HSD17B12: variants seen among roughly 807,000 people sequenced by gnomAD.
HSD17B12 encodes hydroxysteroid 17-beta dehydrogenase 12.
HSD17B12 carries 32 observed loss-of-function variants against 39.3 expected under a neutral mutation model. That is an observed-to-expected ratio of 0.81 (90% CI 0.61 to 1.09). The LOEUF (loss-of-function observed/expected upper bound fraction) is 1.09, where lower values mean the gene tolerates loss of function less well. Ranked by LOEUF, HSD17B12 falls within the 50% of genes least tolerant of loss-of-function variation. The pLI is 0.00. For synonymous variants in HSD17B12, 150 were observed against 146.7 expected, an observed-to-expected ratio of 1.02 and a Z score of -0.16; for missense variants, 342 against 382.9, an observed-to-expected ratio of 0.89 and a Z score of 0.89.
the HSD17B12 span, among the ~76,000 whole-genome samples, chr11:43,611,179 G>A: frequency 1.2e-4 from 19 of 152,176 alleles, no homozygotes; most frequent in East Asian, 3.5e-3. Context: ...GTGGATGATC[G>A]CAGAATGTAA....
At chr11:43,585,764 G>A in the HSD17B12 span, among the ~76,000 whole-genome samples, 1 of 152,140 alleles carries the variant, frequency 6.6e-6, no homozygotes, top group African/African-American at 2.4e-5. Context: ...ATTCCAAGAG[G>A]TTCACATCTT....
At position 43,856,223 on chromosome 11, in the gene HSD17B12, T is replaced by C. The variant is rs1343191667; in HGVS notation, c.*975T>C. On this transcript the variant is annotated 3_prime_UTR_variant, in exon 11 of 11. Coordinates refer to ENST00000278353, the MANE Select transcript of HSD17B12 (RefSeq NM_016142.3). ...CAACAAAAATACATTTCTTTGGTGA[T>C]TGAAATTAAGGCCGTATTTACAATG... 1 of 152,220 alleles carries C rather than the reference T, an allele frequency of 6.6e-6. No individual in the cohort carries two copies. Among genetic ancestry groups the C allele is most frequent in the East Asian group, 1.9e-4 (1 of 5,198 alleles). The allele number at this position is 152,220 out of a possible 1,614,324, so 9.4% of individuals were successfully genotyped here.
At chr11:43,583,299 A>G in the HSD17B12 span, among the ~76,000 whole-genome samples, 1 of 152,198 alleles carries the variant, frequency 6.6e-6, no homozygotes, top group Admixed American at 6.5e-5. Context: ...CCAAGGAGCA[A>G]CGGCCGAACC....
chr11:43,605,907 G>C, the HSD17B12 span, among the ~76,000 whole-genome samples: 1 of 152,204 alleles, frequency 6.6e-6, no homozygotes. Flanking sequence ...AAAGAAATTA[G>C]ACAATCTTAA....
the HSD17B12 span, among the ~76,000 whole-genome samples, chr11:43,598,600 T>A: frequency 6.6e-6 from 1 of 152,174 alleles, no homozygotes; most frequent in Non-Finnish European, 1.5e-5. Flanking sequence ...GCTCTGTGCC[T>A]GTCACTTTTC....
Position 43,831,130 on chromosome 11 carries a change from C to A in HSD17B12, c.536+120C>A. 1 of 877,080 alleles carries A rather than the reference C, an allele frequency of 1.1e-6. No individual in the cohort carries two copies. The highest frequency in any genetic ancestry group is 1.8e-6 in the Non-Finnish European group (1 of 570,370). 54.3% of individuals were successfully genotyped at this position (877,080 alleles called of 1,614,324 possible). ...AATGAACCAAGCCTCCATGTCTTAG[C>A]CACAGAGTGATGTACCAGGCGAGTC... On this transcript the variant is annotated intron_variant, in intron 7 of 10. Transcript: ENST00000278353. This position sits in a 1 kb window ranked among gnomAD's most constrained non-coding sequence, Gnocchi z 4.1.
chr11:43,768,295 TTATTA>T (rs1170981284), intron 3 of HSD17B12, among the ~76,000 whole-genome samples: 2 of 152,050 alleles, frequency 1.3e-5, no homozygotes, highest in African/African-American at 4.8e-5. Context: ...CCTGTTGGAG[TTATTA>T]TATTATTTAA....
chr11:43,750,836 A>G, intron 1 of HSD17B12, 75 bp from the exon 2 acceptor site: 2 of 965,620 alleles, frequency 2.1e-6, no homozygotes, highest in South Asian at 3.1e-5. Flanking sequence ...TTTGTATGTA[A>G]TTGGTGGGTC....
chr11:43,565,933 C>T, the HSD17B12 span, among the ~76,000 whole-genome samples: 2 of 152,350 alleles, frequency 1.3e-5, no homozygotes, highest in East Asian at 3.9e-4. Flanking sequence ...TGCCCCACTG[C>T]TCAGTTTCCC....
intron 1 of HSD17B12, among the ~76,000 whole-genome samples, chr11:43,736,581 G>C (rs1438232016): frequency 2.0e-5 from 3 of 152,014 alleles, no homozygotes; most frequent in African/African-American, 7.3e-5. Context: ...TCATACCATG[G>C]GATTGTGGAA....
At chr11:43,557,790 C>T in the HSD17B12 span, among the ~76,000 whole-genome samples, 1 of 152,056 alleles carries the variant, frequency 6.6e-6, no homozygotes, top group African/African-American at 2.4e-5. Context: ...GAGGGAACGG[C>T]TGGAGCTCAG....
chr11:43,582,905 T>G, the HSD17B12 span, among the ~76,000 whole-genome samples: 2 of 152,158 alleles, frequency 1.3e-5, no homozygotes, highest in African/African-American at 4.8e-5. Flanking sequence ...AAAAGGTTCC[T>G]AAGATCTGCA....
At chr11:43,735,937 T>G (rs1039002700) in intron 1 of HSD17B12, among the ~76,000 whole-genome samples, 11 of 152,176 alleles carry the variant, frequency 7.2e-5, no homozygotes, top group African/African-American at 2.7e-4. Flanking sequence ...ACCCACTCAC[T>G]GTCACGAGAA....
chr11:43,738,899 A>G (rs1808865233), intron 1 of HSD17B12, among the ~76,000 whole-genome samples: 1 of 152,220 alleles, frequency 6.6e-6, no homozygotes, highest in Admixed American at 6.5e-5. Context: ...ACTCTCCAAA[A>G]CAAAAAGAAA....
intron 4 of HSD17B12, among the ~76,000 whole-genome samples, chr11:43,800,252 G>C (rs1047310376): frequency 6.6e-6 from 1 of 152,202 alleles, no homozygotes; most frequent in Non-Finnish European, 1.5e-5. Context: ...AGATGGACTA[G>C]GGGATAAAGG....
the HSD17B12 span, among the ~76,000 whole-genome samples, chr11:43,671,346 A>C: frequency 6.6e-6 from 1 of 152,074 alleles, no homozygotes; most frequent in Non-Finnish European, 1.5e-5. Flanking sequence ...CACCCAGCTA[A>C]TTTTTGTATT....
intron 1 of HSD17B12, among the ~76,000 whole-genome samples, chr11:43,718,112 C>G (rs1196212630): frequency 6.6e-6 from 1 of 152,090 alleles, no homozygotes; most frequent in Non-Finnish European, 1.5e-5. Flanking sequence ...GCCAGTTCTA[C>G]CAAATTATGT....
At chr11:43,849,540 A>G (rs566805943) in intron 9 of HSD17B12, among the ~76,000 whole-genome samples, 1 of 152,242 alleles carries the variant, frequency 6.6e-6, no homozygotes, top group African/African-American at 2.4e-5. Context: ...TTGTTCCTTC[A>G]GTCTCAAAGG....
At chr11:43,640,238 C>G in the HSD17B12 span, among the ~76,000 whole-genome samples, 1 of 151,908 alleles carries the variant, frequency 6.6e-6, no homozygotes, top group East Asian at 1.9e-4. Context: ...TCATTCCCCC[C>G]CTCTAAAGTT....
Sources: gnomAD v4.1 joint callset for allele counts (sites outside exome capture counted in the v4.1 genomes callset) on GRCh38, gnomAD v4.1.1 for gene constraint, Gnocchi (gnomAD v3.1) non-coding constraint, MANE v1.5 for transcripts, NCBI Gene and HGNC (gene_info 2026-07-23, HGNC 2026-07-21) for gene names.